DAAM2: variants seen among roughly 807,000 people sequenced by gnomAD.
DAAM2 encodes the protein disheveled-associated activator of morphogenesis 2.
DAAM2 carries 39 observed loss-of-function variants against 120.7 expected under a neutral mutation model. The observed-to-expected ratio is 0.32, with a 90% confidence interval of 0.25 to 0.42. The LOEUF (loss-of-function observed/expected upper bound fraction) is 0.42, where lower values mean the gene tolerates loss of function less well. Among genes scored for constraint, DAAM2 ranks in the 10% least tolerant of loss-of-function variants. The probability of loss-of-function intolerance (pLI) is 1.00; values close to 1 mark genes in which losing one functional copy is unlikely to be tolerated. For missense variants in DAAM2, 1,283 were observed against 1,401.7 expected (o/e 0.92, Z 1.35); for synonymous variants, 488 against 524.9 (o/e 0.93, Z 0.96).
intron 17 of DAAM2, among the ~76,000 whole-genome samples, chr6:39,890,046 T>C (rs1183033043): frequency 1.3e-5 from 2 of 152,090 alleles, no homozygotes; most frequent in Admixed American, 1.3e-4. Context: ...GAGAATCACT[T>C]GAACCCAGGA....
At chr6:39,853,817 T>C (rs1441790085) in intron 1 of DAAM2, among the ~76,000 whole-genome samples, 2 of 152,200 alleles carry the variant, frequency 1.3e-5, no homozygotes, top group Admixed American at 6.5e-5. Context: ...AAAGCAGTCT[T>C]GCTTGCCAGC....
At chr6:39,827,305 T>C (rs897357335) in intron 1 of DAAM2, among the ~76,000 whole-genome samples, 1 of 152,178 alleles carries the variant, frequency 6.6e-6, no homozygotes, top group Admixed American at 6.5e-5. Context: ...AGTACCTTCA[T>C]TCTCAACGTC....
At chr6:39,815,406 TC>T (rs1243740130) in intron 1 of DAAM2, among the ~76,000 whole-genome samples, 2 of 152,148 alleles carry the variant, frequency 1.3e-5, no homozygotes, top group Non-Finnish European at 2.9e-5. Context: ...TGTATGGGTG[TC>T]CCTGAGCAAG....
intron 1 of DAAM2, among the ~76,000 whole-genome samples, chr6:39,795,835 C>G (rs1761683301): frequency 6.6e-6 from 1 of 151,988 alleles, no homozygotes; most frequent in Admixed American, 6.6e-5. Flanking sequence ...TCCTGGATGT[C>G]TGGCCTAGAA....
rs1234324562 is a variant in DAAM2 at position 39,860,956 on chromosome 6, G to T, written c.197G>T (p.Arg66Leu). 1 of 1,613,150 alleles carries T rather than the reference G, an allele frequency of 6.2e-7. No homozygotes were observed. The highest frequency in any genetic ancestry group is 2.2e-5 in the East Asian group (1 of 44,856). The change falls in exon 3 of 25, where the codon CGA (arginine) becomes CTA (leucine). Residue 66 changes from arginine to leucine, a missense_variant. By Grantham distance (102) the Arg-to-Leu change is moderately radical. Coordinates refer to ENST00000274867, the MANE Select transcript of DAAM2 (RefSeq NM_001201427.2). ...GAATTGGATCTCACTGACAAAAACCGAGAGGCTATGTTTGCACTGCCCCCT... is the reference window on the plus strand; with the variant it reads ...GAATTGGATCTCACTGACAAAAACCTAGAGGCTATGTTTGCACTGCCCCCT... ...VDELDLTDKN[R>L]EAMFALPPEK...
chr6:39,901,676 G>T lies in DAAM2; in HGVS notation c.2983-137G>T. The T allele has an allele frequency of 1.0e-6, 1 of 999,034 alleles. No individual in the cohort carries two copies. Among genetic ancestry groups the T allele is most frequent in the South Asian group, 1.7e-5 (1 of 58,332 alleles). The allele number at this position is 999,034 out of a possible 1,614,324, so 61.9% of individuals were successfully genotyped here. A position where few individuals can be genotyped will look rare whatever the true frequency, so the allele number is the denominator to read the frequency against. On this transcript the variant is annotated intron_variant, in intron 24 of 24. Transcript: ENST00000274867. This position sits in a 1 kb window ranked among gnomAD's most constrained non-coding sequence, Gnocchi z 4.5. ...TGAAGCTGGGGGCCTGTATGTCCTAGGCAGGAAGAAAGTGGGGCCAACAGA... is the reference window on the plus strand; with the variant it reads ...TGAAGCTGGGGGCCTGTATGTCCTATGCAGGAAGAAAGTGGGGCCAACAGA...
chr6:39,867,959 G>A, intron 6 of DAAM2, 116 bp downstream of exon 6: 1 of 930,582 alleles, frequency 1.1e-6, no homozygotes, highest in Non-Finnish European at 1.6e-6. Flanking sequence ...AAGTAATGTG[G>A]TCTGCATGCC....
Position 39,902,449 on chromosome 6 carries a change from CCT to C in DAAM2, c.*413_*414del, listed in dbSNP as rs2149386428. ...ACGGGGAGCAATGATGGAGGGAGCC[CCT>C]GAGAGGGAATCTGGTGAGGGAATCC... On this transcript the variant is annotated 3_prime_UTR_variant, in exon 25 of 25. Coordinates refer to ENST00000274867, the MANE Select transcript of DAAM2 (RefSeq NM_001201427.2). The C allele has an allele frequency of 6.2e-6, 1 of 160,408 alleles. No individual in the cohort carries two copies. The highest frequency in any genetic ancestry group is 1.8e-4 in the East Asian group (1 of 5,442). 9.9% of individuals were successfully genotyped at this position (160,408 alleles called of 1,614,324 possible). A position where few individuals can be genotyped will look rare whatever the true frequency, so the allele number is the denominator to read the frequency against.
Position 39,896,859 on chromosome 6 carries a change from C to T in DAAM2, c.2389C>T (p.Gln797Ter). 1.2e-6 allele frequency: 2 copies of T among 1,613,212 alleles called. No individual in the cohort carries two copies. The highest frequency in any genetic ancestry group is 1.7e-6 in the Non-Finnish European group (2 of 1,179,484). The change falls in exon 20 of 25, where the codon CAG (glutamine) becomes TAG (stop). Residue 797 changes from glutamine to a stop codon, truncating the protein, a stop_gained. Transcript: ENST00000274867. LOFTEE classifies it high-confidence loss of function. ...RELVRSKRLR[Q>*]MLEVILAIGN... ...GCTGGTCCGCAGCAAGCGTCTTAGA[C>T]AGATGCTAGAGGTCATCCTAGCCAT...
intron 19 of DAAM2, among the ~76,000 whole-genome samples, chr6:39,895,865 G>A (rs1562063171): frequency 6.6e-6 from 1 of 152,070 alleles, no homozygotes; most frequent in Non-Finnish European, 1.5e-5. Flanking sequence ...TTAGAGCATT[G>A]GGGGAAAATG....
At position 39,832,438 on chromosome 6, in the gene DAAM2, T is replaced by C. The variant is rs535083342; in HGVS notation, c.-56-23809T>C. 9.6e-4 allele frequency among the ~76,000 whole-genome samples: 121 copies of C among 126,154 alleles called. 1 individual carries two copies. Among genetic ancestry groups the C allele is most frequent in the Middle Eastern group, 7.4e-3 (2 of 270 alleles). 82.8% of individuals were successfully genotyped at this position (126,154 alleles called of 152,430 possible). On this transcript the variant is annotated intron_variant, in intron 1 of 24. Coordinates refer to ENST00000274867, the MANE Select transcript of DAAM2 (RefSeq NM_001201427.2). ...CCCACTTAGTGGTGGTGATGATGAT[T>C]GATGACATAATAGCAGCTCATATTT...
chr6:39,865,996 T>C (rs989991361), intron 5 of DAAM2, among the ~76,000 whole-genome samples: 1 of 152,204 alleles, frequency 6.6e-6, no homozygotes, highest in Non-Finnish European at 1.5e-5. Flanking sequence ...ATTTACACCA[T>C]GGAAATGAGC....
In DAAM2 at chr6:39,857,106, G is replaced by A. The variant is rs1225952208; in HGVS notation, c.168+636G>A. ...ACCAGCTTTCAGACTGCCCTTGTGA[G>A]AAGCCCGTGTGTGTGCAGCTTTATA... On this transcript the variant is annotated intron_variant, in intron 2 of 24. Transcript: ENST00000274867. Among the ~76,000 whole-genome samples, 8 of 152,336 alleles carry A rather than the reference G, an allele frequency of 5.3e-5. No homozygotes were observed. The East Asian group carries it at 1.2e-3, about 22-fold the overall frequency.
chr6:39,884,364 A>G (rs1765275165), intron 15 of DAAM2: 1 of 286,192 alleles, frequency 3.5e-6, no homozygotes, highest in South Asian at 8.2e-5. Context: ...AAGTATTGAA[A>G]TGGTGTTTTG....
At chr6:39,853,495 C>T (rs1450960550) in intron 1 of DAAM2, among the ~76,000 whole-genome samples, 3 of 152,160 alleles carry the variant, frequency 2.0e-5, no homozygotes, top group African/African-American at 4.8e-5. Flanking sequence ...CCTCACTCCC[C>T]GTACTCAGGG....
chr6:39,865,154 G>T (rs1470507695), intron 5 of DAAM2, 80 bp downstream of exon 5: 1 of 833,724 alleles, frequency 1.2e-6, no homozygotes. Context: ...CCTGTGCAGT[G>T]CTCTGCTCCC....
At chr6:39,870,717 G>T (rs1350194734) in intron 8 of DAAM2, among the ~76,000 whole-genome samples, 15 of 152,180 alleles carry the variant, frequency 9.9e-5, no homozygotes. Context: ...ATATATGAGG[G>T]TACTCTTTGG....
At chr6:39,808,300 C>T (rs1762067016) in intron 1 of DAAM2, among the ~76,000 whole-genome samples, 1 of 152,162 alleles carries the variant, frequency 6.6e-6, no homozygotes, top group South Asian at 2.1e-4. Context: ...TTGAGAGCTA[C>T]TGGGATTTCT....
intron 21 of DAAM2, 28 bp from the exon 22 acceptor site, chr6:39,898,849 A>G (rs762615623): frequency 5.6e-6 from 9 of 1,598,948 alleles, no homozygotes; most frequent in Non-Finnish European, 6.0e-6. Flanking sequence ...GATGGTCCTC[A>G]TTCCCTTCCC....
Sources: allele counts gnomAD v4.1 joint callset (sites outside exome capture counted in the v4.1 genomes callset), GRCh38; gene constraint gnomAD v4.1.1; non-coding constraint Gnocchi (gnomAD v3.1); transcripts MANE v1.5; gene names NCBI Gene and HGNC (gene_info 2026-07-23, HGNC 2026-07-21).